CTNNBL1: variants seen among roughly 807,000 people sequenced by gnomAD.
CTNNBL1 encodes the protein catenin beta like 1.
In CTNNBL1, 31 loss-of-function variants were observed where a neutral mutation model predicts 72.7. The observed-to-expected ratio is 0.43, with a 90% CI of 0.32 to 0.58. The LOEUF is 0.58. CTNNBL1 is among the 20% of genes least tolerant of loss of function. The pLI is 0.08. For missense variants in CTNNBL1, 534 were observed against 725.1 expected, an observed-to-expected ratio of 0.74 and a Z score of 3.03; for synonymous variants, 240 against 267.3, an observed-to-expected ratio of 0.90 and a Z score of 1.00.
At chr20:37,729,946 G>A (rs2073116089) in intron 1 of CTNNBL1, among the ~76,000 whole-genome samples, 1 of 152,182 alleles carries the variant, frequency 6.6e-6, no homozygotes, top group African/African-American at 2.4e-5. Context: ...AATAAAGTGT[G>A]TTCATACGAA....
At chr20:37,845,162 A>G (rs1437219396) in intron 13 of CTNNBL1, among the ~76,000 whole-genome samples, 2 of 152,140 alleles carry the variant, frequency 1.3e-5, no homozygotes, top group Non-Finnish European at 2.9e-5. Flanking sequence ...CCTTGCCAGA[A>G]GGAGTCGCCT....
intron 3 of CTNNBL1, among the ~76,000 whole-genome samples, 170 bp from the exon 4 acceptor site, chr20:37,746,298 C>T (rs762158290): frequency 2.6e-5 from 4 of 152,144 alleles, no homozygotes; most frequent in Non-Finnish European, 4.4e-5. Context: ...ATGAGGAAAT[C>T]GATTTCCCAA....
chr20:37,770,793 T>A (rs1266871356), intron 7 of CTNNBL1, among the ~76,000 whole-genome samples: 1 of 151,994 alleles, frequency 6.6e-6, no homozygotes, highest in Non-Finnish European at 1.5e-5. Context: ...GCTATTTGGG[T>A]TTTTTACTGG....
At position 37,819,030 on chromosome 20, in the gene CTNNBL1, T is replaced by G. The variant is rs6013142; in HGVS notation, c.1213+15982T>G. ...AATTCACTTTGCTGTATATTTCATC[T>G]TTGCGTCATTTCCAATACTGCAGGT... On this transcript the variant is annotated intron_variant, in intron 11 of 15. Coordinates refer to ENST00000361383, the MANE Select transcript of CTNNBL1 (RefSeq NM_030877.5). Among the ~76,000 whole-genome samples the G allele has an allele frequency of 4.2e-4, 64 of 152,338 alleles. 2 individuals carry two copies. Among genetic ancestry groups the G allele is most frequent in the African/African-American group, 1.5e-3 (62 of 41,582 alleles).
chr20:37,800,210 G>A (rs2073812332), intron 10 of CTNNBL1, among the ~76,000 whole-genome samples: 1 of 152,150 alleles, frequency 6.6e-6, no homozygotes. Context: ...GCCTTCTCTT[G>A]CAAGACCAGT....
At chr20:37,734,124 C>T (rs1013185665) in intron 2 of CTNNBL1, among the ~76,000 whole-genome samples, 5 of 152,010 alleles carry the variant, frequency 3.3e-5, no homozygotes, top group African/African-American at 1.2e-4. Context: ...CTCAAAGACA[C>T]GATGCTAAGT....
chr20:37,821,457 T>C (rs2122771738), intron 11 of CTNNBL1, among the ~76,000 whole-genome samples: 1 of 152,324 alleles, frequency 6.6e-6, no homozygotes. Context: ...GAAAATTATA[T>C]ATTGAATCCT....
chr20:37,733,570 C>T, intron 2 of CTNNBL1, among the ~76,000 whole-genome samples: 1 of 152,150 alleles, frequency 6.6e-6, no homozygotes, highest in Non-Finnish European at 1.5e-5. Flanking sequence ...GGGGCCTTTC[C>T]ACTCATTCCT....
intron 1 of CTNNBL1, among the ~76,000 whole-genome samples, chr20:37,694,563 C>T (rs143219952): frequency 1.1e-3 from 173 of 152,260 alleles, no homozygotes; most frequent in African/African-American, 3.9e-3. Flanking sequence ...GGCTTTTGGA[C>T]AAGTCATTCC....
At position 37,696,153 on chromosome 20, in the gene CTNNBL1, A is replaced by C. The variant is rs143260498; in HGVS notation, c.30+2001A>C. On this transcript the variant is annotated intron_variant, in intron 1 of 15. Coordinates refer to ENST00000361383, the MANE Select transcript of CTNNBL1 (RefSeq NM_030877.5). The stretch of plus-strand genomic sequence containing the variant: ...CTACTGTGTGCAAGGCAGTCTATCC[A>C]CTGGGTATACAACACTGAATAAAAG... 4.8e-3 allele frequency among the ~76,000 whole-genome samples: 725 copies of C among 152,356 alleles called. 4 individuals are homozygous for C. Among genetic ancestry groups the C allele is most frequent in the Middle Eastern group, 0.01 (3 of 294 alleles).
At chr20:37,745,780 A>G (rs2073256456) in intron 3 of CTNNBL1, among the ~76,000 whole-genome samples, 1 of 152,190 alleles carries the variant, frequency 6.6e-6, no homozygotes, top group African/African-American at 2.4e-5. Context: ...CTTAATCGGC[A>G]TTTCTTGTAT....
chr20:37,720,980 C>T (rs2073035661), intron 1 of CTNNBL1, among the ~76,000 whole-genome samples: 1 of 152,176 alleles, frequency 6.6e-6, no homozygotes, highest in African/African-American at 2.4e-5. Flanking sequence ...GGAGGACTCT[C>T]AAGGGAGGTG....
At chr20:37,733,605 G>A (rs888894760) in intron 2 of CTNNBL1, among the ~76,000 whole-genome samples, 15 of 152,104 alleles carry the variant, frequency 9.9e-5, no homozygotes, top group African/African-American at 7.2e-5. Context: ...GGACTTCTGT[G>A]TCCTCTGTTG....
At chr20:37,712,481 T>A (rs2072946804) in intron 1 of CTNNBL1, among the ~76,000 whole-genome samples, 1 of 152,204 alleles carries the variant, frequency 6.6e-6, no homozygotes, top group African/African-American at 2.4e-5. Context: ...TTACAGTGGG[T>A]AATTAAGGGG....
chr20:37,810,709 G>A (rs945972501), intron 11 of CTNNBL1, among the ~76,000 whole-genome samples: 3 of 152,182 alleles, frequency 2.0e-5, no homozygotes, highest in African/African-American at 4.8e-5. Flanking sequence ...AGGATACATA[G>A]TATTTAATTA....
chr20:37,814,171 C>T (rs2072034995), intron 11 of CTNNBL1, among the ~76,000 whole-genome samples: 1 of 152,172 alleles, frequency 6.6e-6, no homozygotes, highest in African/African-American at 2.4e-5. Flanking sequence ...AAAACTGAAT[C>T]ACAAGCAGTG....
At chr20:37,710,144 A>G (rs1206460241) in intron 1 of CTNNBL1, among the ~76,000 whole-genome samples, 3 of 152,224 alleles carry the variant, frequency 2.0e-5, no homozygotes, top group African/African-American at 4.8e-5. Flanking sequence ...AGTAGGACAC[A>G]CTGTGATCTC....
intron 15 of CTNNBL1, among the ~76,000 whole-genome samples, chr20:37,870,011 T>TAA (rs56281604): frequency 1.2e-4 from 13 of 110,278 alleles, no homozygotes; most frequent in Admixed American, 1.9e-4. Context: ...CGCCATCTCC[T>TAA]AAAAAAAAAA....
rs1164789421 is a variant in CTNNBL1 at position 37,694,083 on chromosome 20, G to T, written c.-40G>T. On this transcript the variant is annotated 5_prime_UTR_variant, in exon 1 of 16. Transcript: ENST00000361383. Reference sequence around the variant, plus strand: ...CGGCTGACGGGCCCGCGGTCTGGGCGTGAGTGCAGGGAAGTGGAGTATTTG... The same window carrying T: ...CGGCTGACGGGCCCGCGGTCTGGGCTTGAGTGCAGGGAAGTGGAGTATTTG... 3.1e-6 allele frequency: 5 copies of T among 1,598,710 alleles called. No individual in the cohort carries two copies. Among genetic ancestry groups the T allele is most frequent in the Middle Eastern group, 1.7e-4 (1 of 6,030 alleles).
Sources: gnomAD v4.1 joint callset for allele counts (sites outside exome capture counted in the v4.1 genomes callset) on GRCh38, gnomAD v4.1.1 for gene constraint, MANE v1.5 for transcripts, NCBI Gene and HGNC (gene_info 2026-07-23, HGNC 2026-07-21) for gene names.